ZNF407: variants seen among roughly 807,000 people sequenced by gnomAD.
ZNF407 encodes the protein zinc finger protein 407.
In ZNF407, 17 loss-of-function variants were observed where a neutral mutation model predicts 131.2. That is an observed-to-expected ratio of 0.13 (90% CI 0.09 to 0.19). The LOEUF (loss-of-function observed/expected upper bound fraction) is 0.19, where lower values mean the gene tolerates loss of function less well. ZNF407 is among the 10% of genes least tolerant of loss of function. The pLI is 1.00. For synonymous variants in ZNF407, 1,156 were observed against 1,062.0 expected, an observed-to-expected ratio of 1.09 and a Z score of -1.72; for missense variants, 2,681 against 2,830.6, an observed-to-expected ratio of 0.95 and a Z score of 1.20.
At chr18:74,599,503 T>G (rs564654444) in intron 1 of ZNF407, among the ~76,000 whole-genome samples, 1 of 152,306 alleles carries the variant, frequency 6.6e-6, no homozygotes, top group South Asian at 2.1e-4. Flanking sequence ...TGAGATCTGG[T>G]TGAATAGACA....
intron 8 of ZNF407, among the ~76,000 whole-genome samples, chr18:74,964,846 G>A (rs1450011845): frequency 6.6e-6 from 1 of 152,102 alleles, no homozygotes; most frequent in Non-Finnish European, 1.5e-5. Context: ...CCTGGGGTGG[G>A]TGTCTGCTCC....
At chr18:74,820,373 G>C (rs1568229685) in intron 4 of ZNF407, among the ~76,000 whole-genome samples, 1 of 152,158 alleles carries the variant, frequency 6.6e-6, no homozygotes, top group Non-Finnish European at 1.5e-5. Flanking sequence ...GCTGAGCATG[G>C]TGGGGTCTGC....
At chr18:74,832,758 A>G (rs73971183) in intron 4 of ZNF407, among the ~76,000 whole-genome samples, 3,113 of 152,218 alleles carry the variant, frequency 0.02, 112 homozygotes, top group African/African-American at 0.067. Flanking sequence ...AGTTGAGTGG[A>G]TTGTCTTTTA....
chr18:74,634,756 A>G lies in ZNF407; in HGVS notation c.3737A>G (p.His1246Arg). 11 of 1,614,042 alleles carry G rather than the reference A, an allele frequency of 6.8e-6. No homozygotes were observed. The highest frequency in any genetic ancestry group is 9.3e-6 in the Non-Finnish European group (11 of 1,179,892). ...GGAGACGGTGGAGGTGTTGTCCCCC[A>G]CAGACACCTGTGCCCTGTGACGCTC... ...NAGDGGGVVP[H>R]RHLCPVTLDG... Residue 1246 changes from histidine to arginine, a missense_variant, in exon 2 of 9, where the codon CAC (histidine) becomes CGC (arginine). By Grantham distance (29) the His-to-Arg change is conservative. Around this residue, in one of 6 missense-constraint regions of ZNF407, gnomAD observed 1,789 missense variants for 1,748.7 expected, o/e 1.02. Coordinates refer to ENST00000299687, the MANE Select transcript of ZNF407 (RefSeq NM_017757.3).
chr18:74,731,980 G>A (rs1396438337), intron 3 of ZNF407, among the ~76,000 whole-genome samples: 1 of 152,122 alleles, frequency 6.6e-6, no homozygotes. Context: ...CTTAATGGGA[G>A]TGTCTCATTT....
chr18:74,793,747 A>G (rs1969867630), intron 4 of ZNF407, among the ~76,000 whole-genome samples: 1 of 152,228 alleles, frequency 6.6e-6, no homozygotes, highest in Admixed American at 6.5e-5. Context: ...TTTTCTTTCT[A>G]TAACTTGCAG....
intron 4 of ZNF407, among the ~76,000 whole-genome samples, chr18:74,794,981 A>G (rs1174366586): frequency 1.3e-5 from 2 of 152,290 alleles, no homozygotes; most frequent in African/African-American, 4.8e-5. Context: ...AATGAACAAG[A>G]AAATGCTTGT....
chr18:75,014,722 T>C (rs529104199), intron 8 of ZNF407, among the ~76,000 whole-genome samples: 112 of 152,246 alleles, frequency 7.4e-4, no homozygotes, highest in African/African-American at 2.5e-3. Context: ...ATATTTCAAG[T>C]ACATTTACGT....
rs797046127 is a variant in ZNF407 at position 74,633,922 on chromosome 18, C to T, written c.2903C>T (p.Ala968Val). 12 of 1,613,984 alleles carry T rather than the reference C, an allele frequency of 7.4e-6. No individual in the cohort carries two copies. The highest frequency in any genetic ancestry group is 1.0e-5 in the Non-Finnish European group (12 of 1,179,894). Residue 968 changes from alanine (A) to valine (V), a missense_variant, in exon 2 of 9, where the codon GCT (alanine) becomes GTT (valine). This residue lies in a region of ZNF407 where 1,789 missense variants were observed against 1,748.7 expected (regional missense o/e 1.02). Transcript: ENST00000299687. ...EKPDRGNSIE[A>V]EVENVFHSLD... ...CCAGATCGTGGAAACTCAATTGAAG[C>T]TGAAGTTGAAAATGTATTTCATTCT...
At chr18:74,784,006 A>T (rs2145034836) in intron 4 of ZNF407, among the ~76,000 whole-genome samples, 1 of 152,324 alleles carries the variant, frequency 6.6e-6, no homozygotes, top group East Asian at 1.9e-4. Flanking sequence ...TCAATGGTAT[A>T]ATCTAGAAGC....
At position 75,064,615 on chromosome 18, in the gene ZNF407, T is replaced by A; in HGVS notation, c.*147T>A. ...TCTGAGCATGCCCTCCCAGCGAGAG[T>A]CACACTGGCCACCAGCCAGGCGCCC... On this transcript the variant is annotated 3_prime_UTR_variant, in exon 9 of 9. Transcript: ENST00000299687. 1.4e-6 allele frequency: 1 copy of A among 735,190 alleles called. No homozygotes were observed. Among genetic ancestry groups the A allele is most frequent in the Non-Finnish European group, 2.0e-6 (1 of 493,492 alleles). The allele number at this position is 735,190 out of a possible 1,614,324, so 45.5% of individuals were successfully genotyped here.
At chr18:74,803,822 G>T (rs1970062577) in intron 4 of ZNF407, 6 of 830,444 alleles carry the variant, frequency 7.2e-6, no homozygotes, top group East Asian at 2.7e-5. Flanking sequence ...AGATAATGTG[G>T]TTTTTATCAA....
chr18:74,603,941 G>A (rs1460065555), intron 1 of ZNF407, among the ~76,000 whole-genome samples: 2 of 152,172 alleles, frequency 1.3e-5, no homozygotes, highest in Non-Finnish European at 2.9e-5. Context: ...TTGATGGGTT[G>A]TAAAGCTATT....
intron 4 of ZNF407, among the ~76,000 whole-genome samples, chr18:74,872,318 A>C (rs1971098508): frequency 6.6e-6 from 1 of 152,084 alleles, no homozygotes; most frequent in Non-Finnish European, 1.5e-5. Flanking sequence ...TTTTTAATAC[A>C]ATCACCTTTT....
intron 8 of ZNF407, among the ~76,000 whole-genome samples, chr18:74,973,255 C>T (rs1239151998): frequency 6.6e-6 from 1 of 152,048 alleles, no homozygotes; most frequent in Non-Finnish European, 1.5e-5. Context: ...TCTCCTTGAC[C>T]ATCTCTCATT....
intron 4 of ZNF407, among the ~76,000 whole-genome samples, chr18:74,823,665 T>C (rs532125414): frequency 6.6e-6 from 1 of 152,238 alleles, no homozygotes; most frequent in East Asian, 1.9e-4. Context: ...GAGCTAACTA[T>C]CGTAAATATG....
rs867786812 is a variant in ZNF407 at position 74,779,439 on chromosome 18, A to G, written c.4803-1989A>G. Among the ~76,000 whole-genome samples the G allele has an allele frequency of 3.3e-5, 5 of 151,870 alleles. No individual in the cohort carries two copies. In the South Asian group the frequency reaches 1.0e-3, roughly 32 times the overall value. Reference sequence around the variant, plus strand: ...AGCTTATATATTTTTTTAACCGAGGATGATTTTGAGGCTTTTACCTTATTT... The same window carrying G: ...AGCTTATATATTTTTTTAACCGAGGGTGATTTTGAGGCTTTTACCTTATTT... On this transcript the variant is annotated intron_variant, in intron 3 of 8. Coordinates refer to ENST00000299687, the MANE Select transcript of ZNF407 (RefSeq NM_017757.3).
At chr18:74,644,173 G>A (rs1984857901) in intron 3 of ZNF407, among the ~76,000 whole-genome samples, 1 of 149,120 alleles carries the variant, frequency 6.7e-6, no homozygotes, top group East Asian at 2.0e-4. Context: ...ACTTTTGGGG[G>A]AATCTTTTTT....
intron 2 of ZNF407, among the ~76,000 whole-genome samples, chr18:74,638,317 A>G (rs1984553203): frequency 6.6e-6 from 1 of 152,232 alleles, no homozygotes; most frequent in African/African-American, 2.4e-5. Context: ...TCTGTGTCCC[A>G]CATTAGTTGG....
Sources: allele counts gnomAD v4.1 joint callset (sites outside exome capture counted in the v4.1 genomes callset), GRCh38; gene constraint gnomAD v4.1.1; regional missense constraint gnomAD v4.1.1; transcripts MANE v1.5; gene names NCBI Gene and HGNC (gene_info 2026-07-23, HGNC 2026-07-21).